The following CFAP61 variants were observed in gnomAD, a reference collection of about 807,000 sequenced individuals.
CFAP61 encodes the protein cilia- and flagella-associated protein 61.
In CFAP61, 107 loss-of-function variants were observed where a neutral mutation model predicts 135.6. The ratio of observed to expected loss-of-function variants is 0.79; its 90% CI spans 0.67 to 0.93. CFAP61 has a LOEUF of 0.93. Among genes scored for constraint, CFAP61 ranks in the 40% least tolerant of loss-of-function variants. The pLI is 0.00. For missense variants in CFAP61, 1,507 were observed against 1,556.2 expected, an observed-to-expected ratio of 0.97 and a Z score of 0.53; for synonymous variants, 575 against 578.5, an observed-to-expected ratio of 0.99 and a Z score of 0.09.
chr20:20,260,727 T>C (rs1601685611), intron 20 of CFAP61, among the ~76,000 whole-genome samples: 1 of 152,366 alleles, frequency 6.6e-6, no homozygotes, highest in East Asian at 1.9e-4. Flanking sequence ...TGATAACTCA[T>C]TGAAACTTTT....
At chr20:20,255,319 A>G (rs1298199343) in intron 20 of CFAP61, among the ~76,000 whole-genome samples, 1 of 152,224 alleles carries the variant, frequency 6.6e-6, no homozygotes, top group African/African-American at 2.4e-5. Flanking sequence ...GAGGAACCTC[A>G]TAAAGAGGAA....
chr20:20,223,966 T>C (rs762718001), intron 17 of CFAP61, among the ~76,000 whole-genome samples: 7 of 152,170 alleles, frequency 4.6e-5, no homozygotes, highest in Non-Finnish European at 8.8e-5. Flanking sequence ...ATACAGAAAT[T>C]ATGTCAACAC....
At chr20:20,233,470 G>C (rs2049320522) in intron 18 of CFAP61, among the ~76,000 whole-genome samples, 1 of 152,180 alleles carries the variant, frequency 6.6e-6, no homozygotes, top group South Asian at 2.1e-4. Context: ...CAAGCAGCAG[G>C]CAGCACGGAC....
intron 22 of CFAP61, among the ~76,000 whole-genome samples, chr20:20,286,109 C>T (rs111612848): frequency 7.8e-4 from 118 of 151,680 alleles, no homozygotes; most frequent in African/African-American, 2.8e-3. Flanking sequence ...GCTACCCAAA[C>T]TTTTAAATAC....
chr20:20,160,653 CAGAAAG>C (rs1395241915), intron 10 of CFAP61, among the ~76,000 whole-genome samples: 6 of 152,188 alleles, frequency 3.9e-5, no homozygotes, highest in Non-Finnish European at 7.3e-5. Flanking sequence ...GATGTGCTGT[CAGAAAG>C]AGAAAGCACG....
chr20:20,166,578 A>G lies in CFAP61; in HGVS notation c.1245+142A>G, dbSNP rs2053851778. The G allele has an allele frequency of 1.7e-5, 11 of 650,072 alleles. No individual in the cohort carries two copies. The Admixed American group carries it at 2.1e-4, about 12-fold the overall frequency. 40.3% of individuals were successfully genotyped at this position (650,072 alleles called of 1,614,324 possible). ...GTCAAATGGCATGTCATGAGCTCATAAAAATACAAAATATTGTCATTTTCA... is the reference window on the plus strand; with the variant it reads ...GTCAAATGGCATGTCATGAGCTCATGAAAATACAAAATATTGTCATTTTCA... On this transcript the variant is annotated intron_variant, in intron 12 of 26. Coordinates refer to ENST00000245957, the MANE Select transcript of CFAP61 (RefSeq NM_015585.4).
chr20:20,200,788 G>A (rs2056576631), intron 17 of CFAP61: 1 of 985,250 alleles, frequency 1.0e-6, no homozygotes, highest in Non-Finnish European at 1.2e-6. Context: ...AATACGCTCG[G>A]CGCTGCAGGA....
At chr20:20,094,077 A>C (rs997380943) in intron 7 of CFAP61, among the ~76,000 whole-genome samples, 2 of 152,254 alleles carry the variant, frequency 1.3e-5, no homozygotes, top group Non-Finnish European at 2.9e-5. Context: ...GGTGAGAATG[A>C]CATGACTTTA....
chr20:20,262,964 C>A lies in CFAP61; in HGVS notation c.2337C>A (p.Cys779Ter). 6.2e-7 allele frequency: 1 copy of A among 1,610,140 alleles called. No individual in the cohort carries two copies. The highest frequency in any genetic ancestry group is 8.5e-7 in the Non-Finnish European group (1 of 1,177,718). The stretch of plus-strand genomic sequence containing the variant: ...TCTCTAACATGCTTCAGGTCCCATG[C>A]CCTACAGAGGCTGATATTAGTCAAC... ...LCTGQQYQVP[C>*]PTEADISQHL... The change falls in exon 21 of 27, where the codon TGC (cysteine) becomes TGA (stop). Residue 779 changes from cysteine (C) to a stop codon, truncating the protein, a stop_gained. Transcript: ENST00000245957. LOFTEE classifies it high-confidence loss of function.
chr20:20,228,503 GGA>G, intron 18 of CFAP61, 127 bp downstream of exon 18: 2 of 718,412 alleles, frequency 2.8e-6, no homozygotes, highest in Non-Finnish European at 2.3e-6. Context: ...CTGCCTATGT[GGA>G]TGGATGAATC....
At chr20:20,249,239 T>C (rs1290614590) in intron 19 of CFAP61, among the ~76,000 whole-genome samples, 1 of 152,138 alleles carries the variant, frequency 6.6e-6, no homozygotes, top group East Asian at 1.9e-4. Flanking sequence ...TGGGTAGCAA[T>C]CACTTATACA....
chr20:20,233,870 C>T (rs563450906), intron 18 of CFAP61, among the ~76,000 whole-genome samples: 66 of 152,232 alleles, frequency 4.3e-4, no homozygotes, highest in African/African-American at 1.4e-3. Context: ...TAGGCCTTTT[C>T]GACGGGGGAA....
At chr20:20,251,495 G>T (rs2050901210) in intron 19 of CFAP61, 100 bp from the exon 20 acceptor site, 2 of 1,090,688 alleles carry the variant, frequency 1.8e-6, no homozygotes, top group African/African-American at 1.5e-5. Flanking sequence ...CAAGAGCACG[G>T]ACTCAGCCCA....
intron 17 of CFAP61, among the ~76,000 whole-genome samples, chr20:20,213,977 C>T (rs903092364): frequency 4.6e-5 from 7 of 151,074 alleles, no homozygotes; most frequent in Admixed American, 1.3e-4. Context: ...ATTATGGAAG[C>T]GACACAACTT....
At chr20:20,327,099 GT>G (rs1215343395) in intron 25 of CFAP61, among the ~76,000 whole-genome samples, 12 of 152,004 alleles carry the variant, frequency 7.9e-5, no homozygotes, top group Non-Finnish European at 1.3e-4. Context: ...AAAGATGTGG[GT>G]TTTGTATGTT....
At chr20:20,071,833 A>G (rs535014334) in intron 3 of CFAP61, among the ~76,000 whole-genome samples, 1 of 152,014 alleles carries the variant, frequency 6.6e-6, no homozygotes, top group Admixed American at 6.6e-5. Context: ...GTTCTCTCCT[A>G]CCCTGCCACC....
intron 2 of CFAP61, among the ~76,000 whole-genome samples, chr20:20,059,583 G>A (rs1433262860): frequency 1.3e-5 from 2 of 151,236 alleles, no homozygotes; most frequent in Non-Finnish European, 1.5e-5. Flanking sequence ...GCACCACTGC[G>A]CTCCAGCCTG....
intron 25 of CFAP61, among the ~76,000 whole-genome samples, chr20:20,324,365 G>C (rs368281169): frequency 7.9e-4 from 121 of 152,262 alleles, no homozygotes; most frequent in African/African-American, 2.8e-3. Flanking sequence ...GGATTATACT[G>C]TACCTATTTC....
intron 26 of CFAP61, among the ~76,000 whole-genome samples, chr20:20,354,949 A>T (rs1290968461): frequency 6.6e-3 from 901 of 136,988 alleles, no homozygotes; most frequent in African/African-American, 0.011. Context: ...AGGTGGTCAC[A>T]CTGAGGGGAA....
Sources: gnomAD v4.1 joint callset for allele counts (sites outside exome capture counted in the v4.1 genomes callset) on GRCh38, gnomAD v4.1.1 for gene constraint, MANE v1.5 for transcripts, NCBI Gene and HGNC (gene_info 2026-07-23, HGNC 2026-07-21) for gene names.